Variants in RSPO3 observed in about 807,000 individuals in gnomAD.
The protein encoded by RSPO3 is R-spondin-3.
Under a neutral mutation model 36.5 loss-of-function variants are expected in RSPO3, and 17 were observed. The ratio of observed to expected loss-of-function variants is 0.47; its 90% CI spans 0.32 to 0.70. RSPO3 has a LOEUF of 0.70. RSPO3 is among the 30% of genes least tolerant of loss of function. The pLI, the probability that RSPO3 is intolerant of heterozygous loss-of-function variation, is 0.04. For synonymous variants in RSPO3, 108 were observed against 107.0 expected (o/e 1.01, Z -0.06); for missense variants, 294 against 322.5 (o/e 0.91, Z 0.68).
chr6:127,134,587 T>C (rs1420518925), intron 1 of RSPO3, among the ~76,000 whole-genome samples: 1 of 152,196 alleles, frequency 6.6e-6, no homozygotes, highest in African/African-American at 2.4e-5. Flanking sequence ...CTTATGTAAC[T>C]TTGTTGATGA....
intron 1 of RSPO3, among the ~76,000 whole-genome samples, chr6:127,126,237 G>C (rs1773936962): frequency 6.6e-6 from 1 of 152,012 alleles, no homozygotes; most frequent in Non-Finnish European, 1.5e-5. Flanking sequence ...TGGGATTAGA[G>C]TATTAGGGCT....
chr6:127,160,695 CCATGGCAATGGCAAACTGA>C (rs1774693149), intron 4 of RSPO3, among the ~76,000 whole-genome samples: 1 of 152,138 alleles, frequency 6.6e-6, no homozygotes, highest in Non-Finnish European at 1.5e-5. Flanking sequence ...CTGGGTGTTG[CCATGGCAATGGCAAACTGA>C]CATGGCACAT....
chr6:127,139,582 T>TAAAAA (rs34741454), intron 1 of RSPO3, among the ~76,000 whole-genome samples: 4 of 151,222 alleles, frequency 2.6e-5, no homozygotes, highest in Non-Finnish European at 4.4e-5. Context: ...TTTCTAACCT[T>TAAAAA]AAAAAAAAAT....
intron 3 of RSPO3, among the ~76,000 whole-genome samples, chr6:127,153,250 CTT>C (rs1300229411): frequency 6.6e-6 from 1 of 152,076 alleles, no homozygotes; most frequent in East Asian, 1.9e-4. Flanking sequence ...TTAACTATCT[CTT>C]AACCAAGGAG....
intron 1 of RSPO3, among the ~76,000 whole-genome samples, chr6:127,142,285 G>A (rs868664696): frequency 3.9e-5 from 6 of 151,968 alleles, no homozygotes; most frequent in African/African-American, 1.5e-4. Context: ...AGCCATTGTC[G>A]GCTCTACTTG....
rs373225179 is a variant in RSPO3 at position 127,155,269 on chromosome 6, T to C, written c.465T>C (p.Pro155=). The C allele has an allele frequency of 2.4e-5, 39 of 1,613,868 alleles. No individual in the cohort carries two copies. The African/African-American group carries it at 4.3e-4, about 18-fold the overall frequency. Residue 155 remains proline (P), a synonymous_variant, in exon 4 of 5, where the codon CCT becomes CCC. Coordinates refer to ENST00000356698, the MANE Select transcript of RSPO3 (RefSeq NM_032784.5). Reference sequence around the variant, plus strand: ...ACTGTGAGGTCAGTGAATGGAATCCTTGGAGTCCATGCACGAAGAAGGGAA... The same window carrying C: ...ACTGTGAGGTCAGTGAATGGAATCCCTGGAGTCCATGCACGAAGAAGGGAA... ...IVHCEVSEWN[P]WSPCTKKGKT...
At chr6:127,136,807 T>C (rs991196508) in intron 1 of RSPO3, among the ~76,000 whole-genome samples, 1 of 152,198 alleles carries the variant, frequency 6.6e-6, no homozygotes, top group Non-Finnish European at 1.5e-5. Flanking sequence ...ACTATTAGTA[T>C]AATTCCTTTG....
At chr6:127,149,865 C>T (rs1351060062) in intron 2 of RSPO3, among the ~76,000 whole-genome samples, 1 of 152,026 alleles carries the variant, frequency 6.6e-6, no homozygotes, top group Non-Finnish European at 1.5e-5. Flanking sequence ...AGCATTATAG[C>T]AATCCTGGCT....
rs1411095586 is a variant in RSPO3, at chr6:127,198,315, AT to A, written c.*2309del. On this transcript the variant is annotated 3_prime_UTR_variant, in exon 5 of 5. Transcript: ENST00000356698. ...TTCATTTTCATATGTTGGATGAAAT[AT>A]AAATGAAGAAAAAGATAACATCAAT... 3.3e-5 allele frequency among the ~76,000 whole-genome samples: 5 copies of A among 152,262 alleles called. No individual in the cohort carries two copies. The highest frequency in any genetic ancestry group is 7.3e-5 in the Non-Finnish European group (5 of 68,042).
intron 4 of RSPO3, among the ~76,000 whole-genome samples, chr6:127,192,974 T>C (rs1288678358): frequency 6.6e-6 from 1 of 152,244 alleles, no homozygotes; most frequent in Non-Finnish European, 1.5e-5. Flanking sequence ...ACAGCCACTC[T>C]TGTGTATTTC....
intron 4 of RSPO3, among the ~76,000 whole-genome samples, chr6:127,159,420 G>A (rs1350501792): frequency 6.6e-6 from 1 of 152,020 alleles, no homozygotes; most frequent in Non-Finnish European, 1.5e-5. Flanking sequence ...TATCTTCCTG[G>A]TATAAAGACA....
chr6:127,165,895 C>T (rs1285911465), intron 4 of RSPO3, among the ~76,000 whole-genome samples: 1 of 151,878 alleles, frequency 6.6e-6, no homozygotes, highest in African/African-American at 2.4e-5. Flanking sequence ...TAATGATGTG[C>T]ATGCTCTTGT....
At chr6:127,168,279 A>G (rs1024869483) in intron 4 of RSPO3, among the ~76,000 whole-genome samples, 1 of 151,956 alleles carries the variant, frequency 6.6e-6, no homozygotes, top group Non-Finnish European at 1.5e-5. Context: ...TTCCTGACTT[A>G]TTAATGATCA....
rs75535011 is a variant in RSPO3 at position 127,124,474 on chromosome 6, G to A, written c.97+5185G>A. 3.1e-3 allele frequency among the ~76,000 whole-genome samples: 472 copies of A among 151,978 alleles called. 14 individuals are homozygous for A. In the East Asian group the frequency reaches 0.086, roughly 28 times the overall value. ...GTTGAAATTATGTTTGACTTGGTTAGGACTATTTCTTCTAACAGTGCATTA... is the reference window on the plus strand; with the variant it reads ...GTTGAAATTATGTTTGACTTGGTTAAGACTATTTCTTCTAACAGTGCATTA... On this transcript the variant is annotated intron_variant, in intron 1 of 4. Coordinates refer to ENST00000356698, the MANE Select transcript of RSPO3 (RefSeq NM_032784.5).
intron 4 of RSPO3, among the ~76,000 whole-genome samples, chr6:127,184,563 A>G (rs1196812884): frequency 6.6e-6 from 1 of 151,966 alleles, no homozygotes; most frequent in Non-Finnish European, 1.5e-5. Context: ...GAATGAAAGT[A>G]ATTATTTGAT....
chr6:127,140,269 T>G (rs1223276944), intron 1 of RSPO3, among the ~76,000 whole-genome samples: 5 of 152,196 alleles, frequency 3.3e-5, no homozygotes, highest in African/African-American at 1.2e-4. Context: ...GTAATTTTTT[T>G]GCTTTTTATT....
chr6:127,182,448 C>T (rs1181922595), intron 4 of RSPO3, among the ~76,000 whole-genome samples: 1 of 151,690 alleles, frequency 6.6e-6, no homozygotes, highest in East Asian at 1.9e-4. Context: ...CTTCTTTTTT[C>T]CAGGGTCACT....
intron 4 of RSPO3, among the ~76,000 whole-genome samples, chr6:127,157,921 T>C (rs1455198210): frequency 6.6e-6 from 1 of 151,740 alleles, no homozygotes; most frequent in African/African-American, 2.4e-5. Context: ...AGAAAAGTAA[T>C]AGTGACCTCT....
At chr6:127,188,888 T>C (rs532803255) in intron 4 of RSPO3, among the ~76,000 whole-genome samples, 14 of 152,250 alleles carry the variant, frequency 9.2e-5, no homozygotes, top group East Asian at 3.9e-4. Context: ...CTTGCCTCAG[T>C]AGCTGAAGTG....
Sources: gnomAD v4.1 joint callset for allele counts (sites outside exome capture counted in the v4.1 genomes callset) on GRCh38, gnomAD v4.1.1 for gene constraint, MANE v1.5 for transcripts, NCBI Gene and HGNC (gene_info 2026-07-23, HGNC 2026-07-21) for gene names.